Variants in FNIP2 observed in about 807,000 individuals in gnomAD.
The protein encoded by FNIP2 is folliculin interacting protein 2.
FNIP2 carries 32 observed loss-of-function variants against 108.7 expected under a neutral mutation model. That is an observed-to-expected ratio of 0.29 (90% CI 0.22 to 0.40). FNIP2 has a LOEUF of 0.40. Among genes scored for constraint, FNIP2 ranks in the 10% least tolerant of loss-of-function variants. The pLI, the probability that FNIP2 is intolerant of heterozygous loss-of-function variation, is 1.00. For missense variants in FNIP2, 1,202 were observed against 1,381.6 expected (o/e 0.87, Z 2.06); for synonymous variants, 480 against 496.7 (o/e 0.97, Z 0.45).
chr4:158,875,346 A>G (rs1044153275), intron 14 of FNIP2, among the ~76,000 whole-genome samples: 12 of 151,858 alleles, frequency 7.9e-5, no homozygotes, highest in African/African-American at 2.9e-4. Context: ...TTAAAAAACA[A>G]CTATGCTCCA....
chr4:158,801,500 G>A (rs1776762011), intron 1 of FNIP2, among the ~76,000 whole-genome samples: 1 of 152,170 alleles, frequency 6.6e-6, no homozygotes, highest in South Asian at 2.1e-4. Context: ...TGAGCAGGGT[G>A]GGCCTGCTCC....
intron 1 of FNIP2, among the ~76,000 whole-genome samples, chr4:158,815,291 G>GT (rs1158004117): frequency 2.0e-5 from 3 of 151,804 alleles, no homozygotes; most frequent in Non-Finnish European, 4.4e-5. Flanking sequence ...TTTGATGGAT[G>GT]TTTATTACAT....
At chr4:158,796,012 C>G (rs1776579300) in intron 1 of FNIP2, 1 of 101,518 alleles carries the variant, frequency 9.9e-6, no homozygotes, top group South Asian at 3.1e-4. Flanking sequence ...GACTCGGTGA[C>G]TGTTGTTCCA....
intron 16 of FNIP2, among the ~76,000 whole-genome samples, chr4:158,901,135 T>TG (rs1178882360): frequency 6.8e-6 from 1 of 146,968 alleles, no homozygotes; most frequent in Non-Finnish European, 1.5e-5. Flanking sequence ...GAAATTTTTT[T>TG]TTTTTTTTTT....
chr4:158,805,720 G>C (rs975437821), intron 1 of FNIP2, among the ~76,000 whole-genome samples: 8 of 152,196 alleles, frequency 5.3e-5, no homozygotes, highest in African/African-American at 1.7e-4. Context: ...TTAAGAGGGT[G>C]GTGTGGCCAA....
At chr4:158,881,791 C>G (rs1169834174) in intron 14 of FNIP2, among the ~76,000 whole-genome samples, 1 of 152,172 alleles carries the variant, frequency 6.6e-6, no homozygotes, top group Non-Finnish European at 1.5e-5. Flanking sequence ...GGCGTGATCT[C>G]GGCTCGCTAC....
chr4:158,792,568 T>C (rs1209728637), intron 1 of FNIP2, among the ~76,000 whole-genome samples: 1 of 152,216 alleles, frequency 6.6e-6, no homozygotes, highest in East Asian at 1.9e-4. Flanking sequence ...AGCAACAATA[T>C]GCATGAAATA....
chr4:158,775,249 T>C (rs1775821608), intron 1 of FNIP2, among the ~76,000 whole-genome samples: 1 of 152,212 alleles, frequency 6.6e-6, no homozygotes, highest in Non-Finnish European at 1.5e-5. Flanking sequence ...AAATGTTTTG[T>C]ACTGATTGTA....
intron 7 of FNIP2, among the ~76,000 whole-genome samples, chr4:158,839,881 T>C (rs1779027444): frequency 6.6e-6 from 1 of 152,212 alleles, no homozygotes; most frequent in Admixed American, 6.5e-5. Context: ...ACTTATAGAA[T>C]GTCTTTGGAA....
At chr4:158,821,778 C>T (rs532253253) in intron 1 of FNIP2, among the ~76,000 whole-genome samples, 1 of 152,306 alleles carries the variant, frequency 6.6e-6, no homozygotes, top group Admixed American at 6.5e-5. Flanking sequence ...GCTTCTGTTT[C>T]CTTTACCAAA....
intron 1 of FNIP2, among the ~76,000 whole-genome samples, chr4:158,800,733 T>A (rs977730566): frequency 7.9e-5 from 12 of 152,342 alleles, no homozygotes; most frequent in Admixed American, 4.6e-4. Flanking sequence ...TATAAAACTT[T>A]TTCTACATTT....
At chr4:158,885,264 G>A (rs1781966757) in intron 14 of FNIP2, among the ~76,000 whole-genome samples, 1 of 152,176 alleles carries the variant, frequency 6.6e-6, no homozygotes, top group African/African-American at 2.4e-5. Flanking sequence ...TCCTCGACAT[G>A]GGATTATAAT....
chr4:158,859,483 T>C lies in FNIP2; in HGVS notation c.1060-95T>C, dbSNP rs996860120. 8.7e-6 allele frequency: 10 copies of C among 1,151,558 alleles called. No homozygotes were observed. In the East Asian group the frequency reaches 2.6e-4, roughly 30 times the overall value. The allele number at this position is 1,151,558 out of a possible 1,614,324, so 71.3% of individuals were successfully genotyped here. On this transcript the variant is annotated intron_variant, in intron 9 of 16. Transcript: ENST00000264433. Reference sequence around the variant, plus strand: ...GAAGGCATTATTACCTTGAGTGTTGTTAATTGATTACATAATTTTTTTTAT... The same window carrying C: ...GAAGGCATTATTACCTTGAGTGTTGCTAATTGATTACATAATTTTTTTTAT...
intron 8 of FNIP2, among the ~76,000 whole-genome samples, chr4:158,856,184 A>C (rs1200655467): frequency 6.6e-6 from 1 of 152,226 alleles, no homozygotes; most frequent in African/African-American, 2.4e-5. Flanking sequence ...GTAATGTCCC[A>C]GGAAGCCTTT....
At chr4:158,773,222 A>C (rs2126399806) in intron 1 of FNIP2, among the ~76,000 whole-genome samples, 1 of 152,360 alleles carries the variant, frequency 6.6e-6, no homozygotes, top group East Asian at 1.9e-4. Context: ...GTCTTTCTGT[A>C]GATTTTTCTT....
At chr4:158,847,785 C>T (rs957902935) in intron 7 of FNIP2, among the ~76,000 whole-genome samples, 33 of 152,298 alleles carry the variant, frequency 2.2e-4, no homozygotes, top group South Asian at 1.5e-3. Flanking sequence ...AAGGGTGAGT[C>T]CCAGGCCTGG....
intron 1 of FNIP2, among the ~76,000 whole-genome samples, chr4:158,808,166 T>C (rs1044987571): frequency 6.6e-6 from 1 of 152,194 alleles, no homozygotes; most frequent in African/African-American, 2.4e-5. Context: ...TTAGATGTAG[T>C]AGTAGGGCCT....
At chr4:158,792,998 C>A (rs1019380927) in intron 1 of FNIP2, among the ~76,000 whole-genome samples, 1 of 152,150 alleles carries the variant, frequency 6.6e-6, no homozygotes, top group African/African-American at 2.4e-5. Flanking sequence ...AGTCAGAGGG[C>A]AGGCCTGCAG....
At chr4:158,796,906 G>A (rs1415696797) in intron 1 of FNIP2, among the ~76,000 whole-genome samples, 3 of 152,108 alleles carry the variant, frequency 2.0e-5, no homozygotes, top group African/African-American at 7.2e-5. Context: ...CTCTCAGCAG[G>A]GACCCTGCTG....
Sources: gnomAD v4.1 joint callset for allele counts (sites outside exome capture counted in the v4.1 genomes callset) on GRCh38, gnomAD v4.1.1 for gene constraint, MANE v1.5 for transcripts, NCBI Gene and HGNC (gene_info 2026-07-23, HGNC 2026-07-21) for gene names.